The following TNNI3K variants were observed in gnomAD, a reference collection of about 807,000 sequenced individuals.
TNNI3K encodes serine/threonine-protein kinase TNNI3K.
Under a neutral mutation model 114.5 loss-of-function variants are expected in TNNI3K, and 140 were observed. The observed-to-expected ratio is 1.22, with a 90% CI of 1.07 to 1.41. TNNI3K has a LOEUF of 1.41. TNNI3K is among the 40% of genes most tolerant of loss of function. TNNI3K has a pLI of 0.00. For synonymous variants in TNNI3K, 347 were observed against 347.5 expected (o/e 1.00, Z 0.02); for missense variants, 1,125 against 1,007.6 (o/e 1.12, Z -1.58).
chr1:74,419,905 T>C (rs1162182940), intron 17 of TNNI3K, among the ~76,000 whole-genome samples: 13 of 152,122 alleles, frequency 8.5e-5, no homozygotes, highest in Admixed American at 4.6e-4. Flanking sequence ...TTAAGATACA[T>C]AAATATTGTA....
rs1487603337 is a variant in TNNI3K at position 74,516,696 on chromosome 1, G to T, written c.2352-23538G>T. Among the ~76,000 whole-genome samples, 3 of 152,136 alleles carry T rather than the reference G, an allele frequency of 2.0e-5. No individual in the cohort carries two copies. In the East Asian group the frequency reaches 5.8e-4, roughly 29 times the overall value. On this transcript the variant is annotated intron_variant, in intron 23 of 24. Coordinates refer to ENST00000326637, the MANE Select transcript of TNNI3K (RefSeq NM_015978.3). Reference sequence around the variant, plus strand: ...AAAAGAAGGACATTTCCACAGCTTGGTTGAGGATGGCTTGTATATTCCCCA... The same window carrying T: ...AAAAGAAGGACATTTCCACAGCTTGTTTGAGGATGGCTTGTATATTCCCCA...
chr1:74,415,596 A>G (rs1229239257), intron 17 of TNNI3K, among the ~76,000 whole-genome samples: 2 of 152,008 alleles, frequency 1.3e-5, no homozygotes, highest in Non-Finnish European at 2.9e-5. Flanking sequence ...TAATAGAATC[A>G]CATTTGTTAT....
intron 17 of TNNI3K, among the ~76,000 whole-genome samples, chr1:74,418,796 G>A (rs1233476215): frequency 6.6e-6 from 1 of 151,458 alleles, no homozygotes; most frequent in African/African-American, 2.4e-5. Context: ...ATTTAAGTCA[G>A]TTTCTTTCTT....
In TNNI3K at chr1:74,411,419, GA is replaced by G. The variant is rs577310717; in HGVS notation, c.1773-24658del. Among the ~76,000 whole-genome samples the G allele has an allele frequency of 4.2e-3, 645 of 152,156 alleles. 4 individuals carry two copies. Among genetic ancestry groups the G allele is most frequent in the Middle Eastern group, 0.02 (6 of 294 alleles). On this transcript the variant is annotated intron_variant, in intron 17 of 24. Coordinates refer to ENST00000326637, the MANE Select transcript of TNNI3K (RefSeq NM_015978.3). The stretch of plus-strand genomic sequence containing the variant: ...ATCAACCTGAGATAACCCTCAATTA[GA>G]AATTTTTATATACAAATGCAGCCAA...
chr1:74,410,259 GTAT>G (rs921096535), intron 17 of TNNI3K, among the ~76,000 whole-genome samples: 1 of 152,006 alleles, frequency 6.6e-6, no homozygotes, highest in South Asian at 2.1e-4. Context: ...TAAAATTAAA[GTAT>G]TATTAATCCC....
chr1:74,425,123 T>C (rs747880939), intron 17 of TNNI3K, among the ~76,000 whole-genome samples: 16 of 151,996 alleles, frequency 1.1e-4, no homozygotes, highest in Admixed American at 7.2e-4. Flanking sequence ...GCAGAAGTCA[T>C]TGGTGTGAGT....
chr1:74,471,451 A>G (rs1667928689), intron 21 of TNNI3K: 1 of 400,670 alleles, frequency 2.5e-6, no homozygotes, highest in Non-Finnish European at 4.4e-6. Context: ...GACTTTTCTA[A>G]AAGGATGTAA....
intron 9 of TNNI3K, among the ~76,000 whole-genome samples, chr1:74,352,967 C>G (rs1291263164): frequency 6.6e-6 from 1 of 152,154 alleles, no homozygotes; most frequent in East Asian, 1.9e-4. Context: ...TGCGCTTCAC[C>G]CACTGTCCCG....
chr1:74,321,362 C>T (rs45549233), intron 5 of TNNI3K, among the ~76,000 whole-genome samples: 2,281 of 152,192 alleles, frequency 0.015, 57 homozygotes, highest in African/African-American at 0.052. Flanking sequence ...TGAGTCTTTT[C>T]TTTCGCTTTC....
intron 4 of TNNI3K, among the ~76,000 whole-genome samples, chr1:74,262,711 T>C (rs1220611717): frequency 6.6e-6 from 1 of 152,152 alleles, no homozygotes; most frequent in African/African-American, 2.4e-5. Context: ...TATATGCAGA[T>C]TTCCCTTTAG....
At chr1:74,501,874 T>TTATA (rs367958004) in intron 23 of TNNI3K, among the ~76,000 whole-genome samples, 133 of 149,758 alleles carry the variant, frequency 8.9e-4, no homozygotes, top group African/African-American at 2.9e-3. Context: ...CTTCTGAGGG[T>TTATA]TATATATATA....
rs1425147579 is a variant in TNNI3K at position 74,519,908 on chromosome 1, T to C, written c.2352-20326T>C. Among the ~76,000 whole-genome samples, 3 of 152,286 alleles carry C rather than the reference T, an allele frequency of 2.0e-5. No homozygotes were observed. In the East Asian group the frequency reaches 5.8e-4, roughly 29 times the overall value. ...GAGCACAGATCCACCTTCTCTGCTC[T>C]GGATGCCCTGACTGGACAGCATGTT... is the stretch of plus-strand genomic sequence containing the variant. On this transcript the variant is annotated intron_variant, in intron 23 of 24. Transcript: ENST00000326637.
chr1:74,366,106 G>T (rs1444091560), intron 11 of TNNI3K, among the ~76,000 whole-genome samples: 1 of 151,940 alleles, frequency 6.6e-6, no homozygotes, highest in Non-Finnish European at 1.5e-5. Flanking sequence ...GCAAATCTCA[G>T]CATATACTCT....
At chr1:74,301,264 G>A (rs370179838) in intron 5 of TNNI3K, among the ~76,000 whole-genome samples, 1 of 152,022 alleles carries the variant, frequency 6.6e-6, no homozygotes, top group Non-Finnish European at 1.5e-5. Context: ...GCCAGGCGTG[G>A]TGGTGCACGC....
chr1:74,370,549 A>G, intron 17 of TNNI3K, 157 bp downstream of exon 17: 1 of 503,610 alleles, frequency 2.0e-6, no homozygotes, highest in Non-Finnish European at 3.3e-6. Flanking sequence ...AAGTTTTGTC[A>G]TTGTCTTTTA....
intron 17 of TNNI3K, among the ~76,000 whole-genome samples, chr1:74,417,105 T>C (rs977402761): frequency 5.3e-5 from 8 of 152,010 alleles, no homozygotes; most frequent in African/African-American, 1.9e-4. Context: ...AAAATTGAAA[T>C]TTCAGAGAAA....
At chr1:74,300,386 A>G (rs933240480) in intron 5 of TNNI3K, among the ~76,000 whole-genome samples, 1 of 152,186 alleles carries the variant, frequency 6.6e-6, no homozygotes, top group African/African-American at 2.4e-5. Flanking sequence ...CAACATAAAC[A>G]TAATTTTTAG....
chr1:74,330,037 C>T (rs1158423618), intron 5 of TNNI3K, among the ~76,000 whole-genome samples: 2 of 151,790 alleles, frequency 1.3e-5, no homozygotes, highest in African/African-American at 2.4e-5. Flanking sequence ...GCAAAGTCCA[C>T]AATGAAAATG....
At chr1:74,446,255 C>T (rs1278812700) in intron 20 of TNNI3K, among the ~76,000 whole-genome samples, 1 of 151,064 alleles carries the variant, frequency 6.6e-6, no homozygotes, top group Non-Finnish European at 1.5e-5. Context: ...GATGGTATCT[C>T]ATAGTGGTTT....
Sources: gnomAD v4.1 joint callset for allele counts (sites outside exome capture counted in the v4.1 genomes callset) on GRCh38, gnomAD v4.1.1 for gene constraint, MANE v1.5 for transcripts, NCBI Gene and HGNC (gene_info 2026-07-23, HGNC 2026-07-21) for gene names.